The following AGAP1 variants were observed in gnomAD, a reference collection of about 807,000 sequenced individuals.
AGAP1 encodes the protein ArfGAP with GTPase domain, ankyrin repeat and PH domain 1, also known as arf-GAP with GTPase, ANK repeat and PH domain-containing protein 1.
In AGAP1, 29 loss-of-function variants were observed where a neutral mutation model predicts 105.3. That is an observed-to-expected ratio of 0.28 (90% confidence interval 0.21 to 0.38). The LOEUF (loss-of-function observed/expected upper bound fraction) is 0.38. AGAP1 is among the 10% of genes least tolerant of loss of function. The pLI is 1.00. For synonymous variants in AGAP1, 509 were observed against 485.9 expected (o/e 1.05, Z -0.63); for missense variants, 998 against 1,165.1 (o/e 0.86, Z 2.09).
chr2:235,550,897 C>T lies in AGAP1; in HGVS notation c.163+56048C>T, dbSNP rs1426258260. 1.3e-5 allele frequency among the ~76,000 whole-genome samples: 2 copies of T among 152,134 alleles called. No individual in the cohort carries two copies. Among genetic ancestry groups the T allele is most frequent in the Non-Finnish European group, 2.9e-5 (2 of 68,036 alleles). ...CCAAGCAATTCTCCTGCCTCAGCCT[C>T]CTGAGTAGCTGGGACTACAGGCGTG... On this transcript the variant is annotated intron_variant, in intron 1 of 17. Coordinates refer to ENST00000304032, the MANE Select transcript of AGAP1 (RefSeq NM_001037131.3). This position sits in a 1 kb window ranked among gnomAD's most constrained non-coding sequence, Gnocchi z 4.6.
chr2:235,633,585 C>T lies in AGAP1; in HGVS notation c.164-75594C>T, dbSNP rs1274922246. ...TCCAGCCTGGGTGACAAGAGCAAGA[C>T]TCTGTCTTAAAAATAAAAGAGCTTG... On this transcript the variant is annotated intron_variant, in intron 1 of 17. Coordinates refer to ENST00000304032, the MANE Select transcript of AGAP1 (RefSeq NM_001037131.3). This position sits in a 1 kb window ranked among gnomAD's most constrained non-coding sequence, Gnocchi z 4.8. 6.6e-6 allele frequency among the ~76,000 whole-genome samples: 1 copy of T among 152,078 alleles called. No homozygotes were observed. The highest frequency in any genetic ancestry group is 1.9e-4 in the East Asian group (1 of 5,164).
chr2:235,797,150 G>A (rs919155532), intron 6 of AGAP1, among the ~76,000 whole-genome samples: 2 of 152,044 alleles, frequency 1.3e-5, no homozygotes, highest in Non-Finnish European at 2.9e-5. Flanking sequence ...AAAGATTTTT[G>A]TCTTTCCAAG....
At chr2:235,711,158 A>C (rs1020504345) in intron 2 of AGAP1, among the ~76,000 whole-genome samples, 1 of 152,252 alleles carries the variant, frequency 6.6e-6, no homozygotes, top group African/African-American at 2.4e-5. Context: ...GGCTGGCGCC[A>C]TGTGGCTGTT....
chr2:235,822,422 G>A (rs1047820370), intron 9 of AGAP1, among the ~76,000 whole-genome samples: 12 of 151,764 alleles, frequency 7.9e-5, no homozygotes, highest in Non-Finnish European at 1.5e-4. Flanking sequence ...CAGGGGTGAG[G>A]GGGAGATGGA....
At chr2:236,021,063 G>A (rs2056865733) in intron 13 of AGAP1, among the ~76,000 whole-genome samples, 1 of 151,808 alleles carries the variant, frequency 6.6e-6, no homozygotes, top group Admixed American at 6.6e-5. Flanking sequence ...CTACTTCAGA[G>A]GCTGACACAC....
At chr2:235,813,319 C>T (rs1241450283) in intron 9 of AGAP1, among the ~76,000 whole-genome samples, 2 of 152,220 alleles carry the variant, frequency 1.3e-5, no homozygotes, top group East Asian at 3.9e-4. Context: ...AGAATACTTC[C>T]CTTGGCCGTG....
chr2:236,048,030 T>C (rs1490519483), intron 15 of AGAP1, among the ~76,000 whole-genome samples: 1 of 152,226 alleles, frequency 6.6e-6, no homozygotes, highest in Non-Finnish European at 1.5e-5. Flanking sequence ...TTGCCATTTA[T>C]AAAACAAAGG....
rs1352400857 is a variant in AGAP1, at chr2:235,689,595, G to A, written c.164-19584G>A. On this transcript the variant is annotated intron_variant, in intron 1 of 17. Coordinates refer to ENST00000304032, the MANE Select transcript of AGAP1 (RefSeq NM_001037131.3). This position sits in a 1 kb window ranked among gnomAD's most constrained non-coding sequence, Gnocchi z 4.2. ...TCCCCTCTTGTTTTCATTGTTTCAG[G>A]CAAATAATTTCTGATGGACACCAAA... 2.6e-5 allele frequency among the ~76,000 whole-genome samples: 4 copies of A among 152,170 alleles called. No individual in the cohort carries two copies. Among genetic ancestry groups the A allele is most frequent in the African/African-American group, 4.8e-5 (2 of 41,440 alleles).
rs1312296277 is a variant in AGAP1 at position 235,705,123 on chromosome 2, C to T, written c.164-4056C>T. On this transcript the variant is annotated intron_variant, in intron 1 of 17. Coordinates refer to ENST00000304032, the MANE Select transcript of AGAP1 (RefSeq NM_001037131.3). The surrounding 1 kb of genome is among the most constrained non-coding windows in gnomAD (Gnocchi z 4.9). ...CCTCCCGAGCAGCTGGGATTACAATCATGTGCCACCACGCCTGGCTAATTT... is the reference window on the plus strand; with the variant it reads ...CCTCCCGAGCAGCTGGGATTACAATTATGTGCCACCACGCCTGGCTAATTT... Among the ~76,000 whole-genome samples, 1 of 152,050 alleles carries T rather than the reference C, an allele frequency of 6.6e-6. No homozygotes were observed. Among genetic ancestry groups the T allele is most frequent in the African/African-American group, 2.4e-5 (1 of 41,400 alleles).
chr2:235,755,589 C>T (rs1030824643), intron 6 of AGAP1, among the ~76,000 whole-genome samples: 3 of 152,140 alleles, frequency 2.0e-5, no homozygotes, highest in Non-Finnish European at 2.9e-5. Flanking sequence ...TACAGGTGTG[C>T]GCCATCATGC....
Position 235,983,174 on chromosome 2 carries a change from G to A in AGAP1, c.1645+14551G>A, listed in dbSNP as rs1010601293. ...GTGGACGACCCCAGAGAAGGGACAG[G>A]ATGGGGGGTTATGGAAGTGCCCAGC... On this transcript the variant is annotated intron_variant, in intron 13 of 17. Transcript: ENST00000304032. This position sits in a 1 kb window ranked among gnomAD's most constrained non-coding sequence, Gnocchi z 4.5. Among the ~76,000 whole-genome samples the A allele has an allele frequency of 6.6e-6, 1 of 152,132 alleles. No homozygotes were observed. The highest frequency in any genetic ancestry group is 2.4e-5 in the African/African-American group (1 of 41,424).
At chr2:235,589,391 G>A in intron 1 of AGAP1, among the ~76,000 whole-genome samples, 1 of 151,948 alleles carries the variant, frequency 6.6e-6, no homozygotes, top group East Asian at 1.9e-4. Context: ...ATGTTTAGTA[G>A]AGATGGAGTG....
In AGAP1 at chr2:235,893,316, G is replaced by A. The variant is rs980016907; in HGVS notation, c.1155+9867G>A. Reference sequence around the variant, plus strand: ...AGCGTGTCTGTGGCGCAGGTGTGCCGTGTCTGTGGCATGGGTGTGGCTTGT... The same window carrying A: ...AGCGTGTCTGTGGCGCAGGTGTGCCATGTCTGTGGCATGGGTGTGGCTTGT... On this transcript the variant is annotated intron_variant, in intron 10 of 17. Coordinates refer to ENST00000304032, the MANE Select transcript of AGAP1 (RefSeq NM_001037131.3). The surrounding 1 kb of genome is among the most constrained non-coding windows in gnomAD (Gnocchi z 4.7). 2.6e-5 allele frequency among the ~76,000 whole-genome samples: 4 copies of A among 151,276 alleles called. No homozygotes were observed. The highest frequency in any genetic ancestry group is 2.0e-4 in the East Asian group (1 of 5,092).
intron 1 of AGAP1, among the ~76,000 whole-genome samples, chr2:235,513,330 G>T (rs995052068): frequency 4.6e-5 from 7 of 152,018 alleles, no homozygotes; most frequent in African/African-American, 1.4e-4. Context: ...AGACCAGCAT[G>T]GCCAACATGG....
At chr2:235,630,427 T>A (rs1946789644) in intron 1 of AGAP1, among the ~76,000 whole-genome samples, 1 of 152,156 alleles carries the variant, frequency 6.6e-6, no homozygotes, top group African/African-American at 2.4e-5. Context: ...ATCAGGCTGG[T>A]CTCGAACTCC....
chr2:235,679,064 A>G (rs1190102260), intron 1 of AGAP1, among the ~76,000 whole-genome samples: 2 of 152,256 alleles, frequency 1.3e-5, no homozygotes, highest in East Asian at 3.8e-4. Flanking sequence ...CAAGAAAGAA[A>G]GAATGCTTTT....
intron 1 of AGAP1, among the ~76,000 whole-genome samples, chr2:235,515,251 G>A (rs902502291): frequency 6.6e-6 from 1 of 152,114 alleles, no homozygotes; most frequent in Non-Finnish European, 1.5e-5. Context: ...TGAGCATAGA[G>A]GCGTTGGGAT....
chr2:236,049,471 C>T (rs2057829081), intron 16 of AGAP1, 190 bp downstream of exon 16: 3 of 535,826 alleles, frequency 5.6e-6, no homozygotes, highest in Admixed American at 3.2e-5. Flanking sequence ...ATTCACACTC[C>T]TTAATTTTTT....
In AGAP1 at chr2:235,740,726, G is replaced by T. The variant is rs1014761311; in HGVS notation, c.311-237G>T. Among the ~76,000 whole-genome samples, 1 of 152,246 alleles carries T rather than the reference G, an allele frequency of 6.6e-6. No individual in the cohort carries two copies. Among genetic ancestry groups the T allele is most frequent in the Non-Finnish European group, 1.5e-5 (1 of 68,048 alleles). ...CACACTAATTGGCCACGAGTGTCTG[G>T]CATTGCGAAGGAAGCTGTGCCTTCC... is the stretch of plus-strand genomic sequence containing the variant. On this transcript the variant is annotated intron_variant, in intron 3 of 17. Transcript: ENST00000304032. The surrounding 1 kb of genome is among the most constrained non-coding windows in gnomAD (Gnocchi z 5.7).
Sources: allele counts gnomAD v4.1 joint callset (sites outside exome capture counted in the v4.1 genomes callset), GRCh38; gene constraint gnomAD v4.1.1; non-coding constraint Gnocchi (gnomAD v3.1); transcripts MANE v1.5; gene names NCBI Gene and HGNC (gene_info 2026-07-23, HGNC 2026-07-21).